Variants in KCNK3 observed in about 807,000 individuals in gnomAD.
KCNK3 encodes the protein potassium two pore domain channel subfamily K member 3.
A neutral mutation model predicts 27.3 loss-of-function variants in KCNK3; 9 were observed. The observed-to-expected ratio is 0.33, with a 90% CI of 0.20 to 0.57. KCNK3 has a LOEUF of 0.57. KCNK3 is among the 20% of genes least tolerant of loss of function. The probability of loss-of-function intolerance (pLI) is 0.87; values close to 1 mark genes in which losing one functional copy is unlikely to be tolerated. For missense variants in KCNK3, 391 were observed against 577.7 expected (o/e 0.68, Z 3.31); for synonymous variants, 278 against 273.8 (o/e 1.02, Z -0.15).
Position 26,727,956 on chromosome 2 carries a change from C to T in KCNK3, c.573C>T (p.Tyr191=), listed in dbSNP as rs1663454945. Residue 191 remains tyrosine (Y), a synonymous_variant, in exon 2 of 2, where the codon TAC becomes TAT. Coordinates refer to ENST00000302909, the MANE Select transcript of KCNK3 (RefSeq NM_002246.3). ...ACTGGACCTTCTTCCAGGCCTACTA[C>T]TACTGCTTCATCACCCTCACCACCA... The part of the protein sequence containing the change: ...YEHWTFFQAY[Y]YCFITLTTIG... 1.2e-6 allele frequency: 2 copies of T among 1,614,274 alleles called. No individual in the cohort carries two copies. The highest frequency in any genetic ancestry group is 1.3e-5 in the African/African-American group (1 of 75,074).
chr2:26,715,647 T>C (rs113160086), intron 1 of KCNK3, among the ~76,000 whole-genome samples: 19 of 152,342 alleles, frequency 1.2e-4, no homozygotes, highest in African/African-American at 4.3e-4. Flanking sequence ...CAGGGACACG[T>C]GGCCATCTCC....
chr2:26,710,456 C>T (rs1326699542), intron 1 of KCNK3, among the ~76,000 whole-genome samples: 1 of 152,190 alleles, frequency 6.6e-6, no homozygotes, highest in Admixed American at 6.5e-5. Context: ...CAACACCCAC[C>T]GGTGCCTGCC....
chr2:26,714,648 G>A (rs899591310), intron 1 of KCNK3, among the ~76,000 whole-genome samples: 5 of 151,330 alleles, frequency 3.3e-5, no homozygotes, highest in Non-Finnish European at 7.4e-5. Flanking sequence ...TACTTTGGGA[G>A]GCCAAGGTGG....
chr2:26,706,228 G>A (rs74887298), intron 1 of KCNK3, among the ~76,000 whole-genome samples: 6,146 of 152,270 alleles, frequency 0.04, 155 homozygotes, highest in South Asian at 0.1. Context: ...AAAGCTCCTG[G>A]GGTGAGCCAG....
chr2:26,717,744 C>A lies in KCNK3; in HGVS notation c.284-9923C>A, dbSNP rs754217557. The stretch of plus-strand genomic sequence containing the variant: ...CCACCGGCCCCAGGTCAGGGCCCTG[C>A]CCAGGACCCCCAGGATAACTGGCTG... On this transcript the variant is annotated intron_variant, in intron 1 of 1. Coordinates refer to ENST00000302909, the MANE Select transcript of KCNK3 (RefSeq NM_002246.3). Among the ~76,000 whole-genome samples, 70 of 152,216 alleles carry A rather than the reference C, an allele frequency of 4.6e-4. 1 individual carries two copies. Among genetic ancestry groups the A allele is most frequent in the Non-Finnish European group, 9.4e-4 (64 of 68,020 alleles).
chr2:26,708,831 CA>C (rs1181762404), intron 1 of KCNK3, among the ~76,000 whole-genome samples: 2 of 152,202 alleles, frequency 1.3e-5, no homozygotes, highest in Non-Finnish European at 2.9e-5. Context: ...GCAGTGCAAA[CA>C]AAAGCAGGGA....
intron 1 of KCNK3, among the ~76,000 whole-genome samples, chr2:26,722,938 GGC>G (rs1663350477): frequency 2.0e-5 from 3 of 152,236 alleles, no homozygotes; most frequent in African/African-American, 7.2e-5. Flanking sequence ...GGAAACCTGA[GGC>G]CCAGAAGGAA....
At position 26,728,396 on chromosome 2, in the gene KCNK3, C is replaced by T. The variant is rs1200610274; in HGVS notation, c.1013C>T (p.Thr338Met). ...IIPRDLSTSDTCVEQSHSSPG... is the reference protein window; with the variant it reads ...IIPRDLSTSDMCVEQSHSSPG... Reference sequence around the variant, plus strand: ...CCGCGGGACCTCTCCACGTCCGACACGTGCGTGGAGCAGAGCCACTCGTCG... The same window carrying T: ...CCGCGGGACCTCTCCACGTCCGACATGTGCGTGGAGCAGAGCCACTCGTCG... Residue 338 changes from threonine to methionine, a missense_variant, in exon 2 of 2, where the codon ACG becomes ATG. By Grantham distance (81) the Thr-to-Met change is moderately conservative. This residue lies in a region of KCNK3 where 192 missense variants were observed against 196.0 expected (regional missense o/e 0.98). Coordinates refer to ENST00000302909, the MANE Select transcript of KCNK3 (RefSeq NM_002246.3). The T allele has an allele frequency of 6.2e-7, 1 of 1,606,694 alleles. No homozygotes were observed. The highest frequency in any genetic ancestry group is 8.5e-7 in the Non-Finnish European group (1 of 1,176,726).
Position 26,728,764 on chromosome 2 carries a change from C to A in KCNK3, c.*196C>A, listed in dbSNP as rs1663481972. 2 of 440,326 alleles carry A rather than the reference C, an allele frequency of 4.5e-6. No homozygotes were observed. Among genetic ancestry groups the A allele is most frequent in the Non-Finnish European group, 7.6e-6 (2 of 261,642 alleles). 27.3% of individuals were successfully genotyped at this position (440,326 alleles called of 1,614,324 possible). ...GGCCGGGCTCTGAGGACCCCTGGGG[C>A]CCCCATCGGAGCCCTGCAAATTCCG... is the stretch of plus-strand genomic sequence containing the variant. On this transcript the variant is annotated 3_prime_UTR_variant, in exon 2 of 2. Transcript: ENST00000302909.
chr2:26,706,834 T>C (rs111417504), intron 1 of KCNK3, among the ~76,000 whole-genome samples: 52 of 152,150 alleles, frequency 3.4e-4, no homozygotes, highest in African/African-American at 1.1e-3. Flanking sequence ...GGATCCAGCC[T>C]CCTCCACTGC....
At chr2:26,718,839 C>T (rs1160526460) in intron 1 of KCNK3, among the ~76,000 whole-genome samples, 1 of 152,190 alleles carries the variant, frequency 6.6e-6, no homozygotes, top group Non-Finnish European at 1.5e-5. Flanking sequence ...GATTCCTGGG[C>T]TCAAGCGATC....
Position 26,708,266 on chromosome 2 carries a change from A to G in KCNK3, c.283+15108A>G, listed in dbSNP as rs77809921. On this transcript the variant is annotated intron_variant, in intron 1 of 1. Coordinates refer to ENST00000302909, the MANE Select transcript of KCNK3 (RefSeq NM_002246.3). ...CAAAGGCCTCAAGCAGGCCAGTGCC[A>G]GGTGGGTTGAGGAACAGGAGCAGTG... 1.1e-4 allele frequency among the ~76,000 whole-genome samples: 16 copies of G among 152,276 alleles called. No individual in the cohort carries two copies. In the East Asian group the frequency reaches 2.9e-3, roughly 28 times the overall value.
chr2:26,695,228 C>CT (rs1177261944), intron 1 of KCNK3, among the ~76,000 whole-genome samples: 1 of 151,742 alleles, frequency 6.6e-6, no homozygotes, highest in Non-Finnish European at 1.5e-5. Flanking sequence ...TTTCTTTTTT[C>CT]TTTTTTTGAG....
At position 26,727,835 on chromosome 2, in the gene KCNK3, G is replaced by A. The variant is rs549923058; in HGVS notation, c.452G>A (p.Arg151His). ...GCCAAGAAGGGGCTGGGCATGCGGC[G>A]CGCCGACGTGTCCATGGCCAACATG... Reference protein sequence around the residue: ...HRAKKGLGMRRADVSMANMVL... With the variant: ...HRAKKGLGMRHADVSMANMVL... The change falls in exon 2 of 2, where the codon CGC becomes CAC. Residue 151 changes from arginine to histidine, a missense_variant. By Grantham distance (29) the Arg-to-His change is conservative (BLOSUM62 0). Transcript: ENST00000302909. The A allele has an allele frequency of 2.2e-5, 36 of 1,612,324 alleles. No homozygotes were observed. Among genetic ancestry groups the A allele is most frequent in the Non-Finnish European group, 2.9e-5 (34 of 1,178,564 alleles).
intron 1 of KCNK3, among the ~76,000 whole-genome samples, chr2:26,717,074 A>AGGCCAGC (rs1295529261): frequency 6.6e-6 from 1 of 152,230 alleles, no homozygotes; most frequent in East Asian, 1.9e-4. Flanking sequence ...TAAAGTATTT[A>AGGCCAGC]CTATCTGGCC....
chr2:26,713,169 C>T (rs1663156677), intron 1 of KCNK3, among the ~76,000 whole-genome samples: 1 of 152,160 alleles, frequency 6.6e-6, no homozygotes, highest in African/African-American at 2.4e-5. Flanking sequence ...GCAGAAGATG[C>T]CATTCTCCGG....
Position 26,730,125 on chromosome 2 carries a change from A to C in KCNK3, c.*1557A>C, listed in dbSNP as rs1011641300. The stretch of plus-strand genomic sequence containing the variant: ...TGGGGCGCATGCTTACAAACAGTGC[A>C]GTTCTTGGGACCGAGGTAAGCAGGG... On this transcript the variant is annotated 3_prime_UTR_variant, in exon 2 of 2. Coordinates refer to ENST00000302909, the MANE Select transcript of KCNK3 (RefSeq NM_002246.3). 7 of 152,256 alleles carry C rather than the reference A, an allele frequency of 4.6e-5. No homozygotes were observed. The highest frequency in any genetic ancestry group is 1.0e-4 in the Non-Finnish European group (7 of 68,092). The allele number at this position is 152,256 out of a possible 1,614,324, so 9.4% of individuals were successfully genotyped here.
At chr2:26,712,285 G>C (rs1031300733) in intron 1 of KCNK3, among the ~76,000 whole-genome samples, 1 of 152,222 alleles carries the variant, frequency 6.6e-6, no homozygotes, top group Non-Finnish European at 1.5e-5. Flanking sequence ...ACTGTTTGCT[G>C]TCTCCACGGA....
At chr2:26,694,607 C>T (rs982274401) in intron 1 of KCNK3, among the ~76,000 whole-genome samples, 4 of 152,216 alleles carry the variant, frequency 2.6e-5, no homozygotes, top group African/African-American at 9.6e-5. Context: ...TGTGGCCCAG[C>T]TGGGGCACCT....
Sources: gnomAD v4.1 joint callset for allele counts (sites outside exome capture counted in the v4.1 genomes callset) on GRCh38, gnomAD v4.1.1 for gene constraint, gnomAD v4.1.1 regional missense constraint, MANE v1.5 for transcripts, NCBI Gene and HGNC (gene_info 2026-07-23, HGNC 2026-07-21) for gene names.